DUSP22: variants seen among roughly 807,000 people sequenced by gnomAD.
DUSP22 encodes the protein dual specificity phosphatase 22.
A neutral mutation model predicts 24.5 loss-of-function variants in DUSP22; 24 were observed. That is an observed-to-expected ratio of 0.98 (90% CI 0.71 to 1.38). The LOEUF (loss-of-function observed/expected upper bound fraction) is 1.38. Ranked by LOEUF, DUSP22 falls within the 40% of genes most tolerant of loss-of-function variation. The pLI is 0.00. For missense variants in DUSP22, 330 were observed against 269.2 expected, an observed-to-expected ratio of 1.23 and a Z score of -1.58; for synonymous variants, 160 against 106.4, an observed-to-expected ratio of 1.50 and a Z score of -3.10.
Position 350,701 on chromosome 6 carries a change from A to G in DUSP22, c.*1750A>G. On this transcript the variant is annotated 3_prime_UTR_variant, in exon 7 of 7. Coordinates refer to ENST00000419235, the MANE Select transcript of DUSP22 (RefSeq NM_001286555.3). ...CAAAAATAAATACGTTAACAGAAAA[A>G]TGATTTAGGATATAGCTTGAATGCT... 1.3e-6 allele frequency: 2 copies of G among 1,585,242 alleles called. No individual in the cohort carries two copies. Among genetic ancestry groups the G allele is most frequent in the Non-Finnish European group, 1.7e-6 (2 of 1,167,248 alleles).
chr6:330,132 A>G (rs1161561032), intron 3 of DUSP22, among the ~76,000 whole-genome samples: 18 of 152,078 alleles, frequency 1.2e-4, no homozygotes, highest in Non-Finnish European at 2.5e-4. Context: ...CTGGAGGAGG[A>G]CCCCCCTGGG....
rs889928871 is a variant in DUSP22, at chr6:350,683, A to T, written c.*1732A>T. The T allele has an allele frequency of 1.0e-5, 16 of 1,563,714 alleles. No individual in the cohort carries two copies. The highest frequency in any genetic ancestry group is 5.5e-5 in the African/African-American group (4 of 73,058). ...TACATGTTTTTCCTAAGCCAAAAATAAATACGTTAACAGAAAAATGATTTA... is the reference window on the plus strand; with the variant it reads ...TACATGTTTTTCCTAAGCCAAAAATTAATACGTTAACAGAAAAATGATTTA... On this transcript the variant is annotated 3_prime_UTR_variant, in exon 7 of 7. Coordinates refer to ENST00000419235, the MANE Select transcript of DUSP22 (RefSeq NM_001286555.3).
At chr6:299,973 GTTGAC>G (rs1266715397) in intron 1 of DUSP22, among the ~76,000 whole-genome samples, 1 of 152,308 alleles carries the variant, frequency 6.6e-6, no homozygotes, top group African/African-American at 2.4e-5. Context: ...TTGGAGAAAT[GTTGAC>G]TTGAGTACCT....
chr6:341,275 C>T (rs546871302), intron 4 of DUSP22, among the ~76,000 whole-genome samples: 19 of 152,416 alleles, frequency 1.2e-4, no homozygotes, highest in Non-Finnish European at 1.6e-4. Flanking sequence ...AGGTGAACTG[C>T]CGATGAAACG....
At chr6:337,580 T>G (rs1467916785) in intron 4 of DUSP22, among the ~76,000 whole-genome samples, 1 of 152,300 alleles carries the variant, frequency 6.6e-6, no homozygotes, top group African/African-American at 2.4e-5. Flanking sequence ...AAAACCAGCC[T>G]AATTCCAGTC....
chr6:295,319 C>T (rs967291692), intron 1 of DUSP22, among the ~76,000 whole-genome samples: 12 of 152,286 alleles, frequency 7.9e-5, no homozygotes, highest in Non-Finnish European at 1.6e-4. Context: ...TTTGGGACAG[C>T]AGTTTTTATC....
intron 3 of DUSP22, among the ~76,000 whole-genome samples, chr6:318,806 T>C (rs1444857315): frequency 6.6e-6 from 1 of 152,310 alleles, no homozygotes. Context: ...CCAACCCACA[T>C]ATTCAGCAGA....
chr6:345,705 C>A, intron 4 of DUSP22, 149 bp from the exon 5 acceptor site: 1 of 914,978 alleles, frequency 1.1e-6, no homozygotes. Flanking sequence ...TGAAGTGTCA[C>A]ACTGTAGCCC....
chr6:347,688 T>C lies in DUSP22; in HGVS notation c.264-415T>C, dbSNP rs542015855. On this transcript the variant is annotated intron_variant, in intron 5 of 6. Transcript: ENST00000419235. ...CTCATATAGCTGAGAAAACTCGACT[T>C]TTAAGGAACATGAAGCATTCTAAAC... Among the ~76,000 whole-genome samples, 4 of 152,422 alleles carry C rather than the reference T, an allele frequency of 2.6e-5. No individual in the cohort carries two copies. The East Asian group carries it at 7.7e-4, about 29-fold the overall frequency.
intron 3 of DUSP22, among the ~76,000 whole-genome samples, chr6:326,515 G>A (rs1225928333): frequency 9.1e-6 from 1 of 109,996 alleles, no homozygotes; most frequent in Non-Finnish European, 2.1e-5. Context: ...CATCTGCCCT[G>A]GGCTTCCGCG....
chr6:294,486 T>G (rs1190879997), intron 1 of DUSP22, among the ~76,000 whole-genome samples: 5 of 152,296 alleles, frequency 3.3e-5, no homozygotes, highest in African/African-American at 7.2e-5. Context: ...GGTAGCCACA[T>G]TAAAAAATAA....
In DUSP22 at chr6:350,200, G is replaced by T. The variant is rs1447956782; in HGVS notation, c.*1249G>T. The T allele has an allele frequency of 2.0e-6, 2 of 986,764 alleles. No homozygotes were observed. The highest frequency in any genetic ancestry group is 1.1e-4 in the East Asian group (1 of 8,850). 61.1% of individuals were successfully genotyped at this position (986,764 alleles called of 1,614,324 possible). On this transcript the variant is annotated 3_prime_UTR_variant, in exon 7 of 7. Transcript: ENST00000419235. ...TTTTGAAACCAAAGGGGAAGGTACC[G>T]ATATCATTGAGCTATTTAAAGTTGC...
intron 1 of DUSP22, among the ~76,000 whole-genome samples, chr6:302,446 T>TCCCCTCCCTGTCTGC (rs1356483248): frequency 6.6e-6 from 1 of 152,302 alleles, no homozygotes; most frequent in Non-Finnish European, 1.5e-5. Flanking sequence ...CGTTCTGCTG[T>TCCCCTCCCTGTCTGC]CCCCTCCCTG....
intron 3 of DUSP22, among the ~76,000 whole-genome samples, chr6:333,274 C>G (rs186623208): frequency 6.6e-6 from 1 of 152,412 alleles, no homozygotes; most frequent in East Asian, 1.9e-4. Flanking sequence ...CCAGCAGATT[C>G]TAAATTAACC....
At chr6:340,256 G>A (rs1024985101) in intron 4 of DUSP22, among the ~76,000 whole-genome samples, 13 of 152,418 alleles carry the variant, frequency 8.5e-5, no homozygotes, top group Admixed American at 3.3e-4. Flanking sequence ...ATACAAACGT[G>A]GGCTGGTTTT....
chr6:297,861 T>G lies in DUSP22; in HGVS notation c.21+5301T>G, dbSNP rs367891143. Among the ~76,000 whole-genome samples the G allele has an allele frequency of 8.2e-3, 1,251 of 151,928 alleles. 1 individual carries two copies. Among genetic ancestry groups the G allele is most frequent in the African/African-American group, 0.029 (1,189 of 41,134 alleles). ...TTTTTTCCACCTGGCAGCAGGTGAC[T>G]TGGCTGCCTGCGTAATCCAGTCATC... On this transcript the variant is annotated intron_variant, in intron 1 of 6. Transcript: ENST00000419235.
intron 5 of DUSP22, among the ~76,000 whole-genome samples, chr6:347,652 T>C (rs973281451): frequency 3.3e-5 from 5 of 152,310 alleles, no homozygotes; most frequent in African/African-American, 4.8e-5. Flanking sequence ...TTAAAAATTA[T>C]AGATCTAGCC....
At chr6:325,730 T>C (rs1237758084) in intron 3 of DUSP22, 1 of 261,994 alleles carries the variant, frequency 3.8e-6, no homozygotes, top group Non-Finnish European at 7.2e-6. Flanking sequence ...GTGTGTGCAG[T>C]GCTGTACCTG....
At chr6:317,325 G>A (rs1359000750) in intron 3 of DUSP22, among the ~76,000 whole-genome samples, 1 of 152,302 alleles carries the variant, frequency 6.6e-6, no homozygotes. Flanking sequence ...TCCTCTTGCT[G>A]ATCCACCCCA....
Sources: gnomAD v4.1 joint callset for allele counts (sites outside exome capture counted in the v4.1 genomes callset) on GRCh38, gnomAD v4.1.1 for gene constraint, MANE v1.5 for transcripts, NCBI Gene and HGNC (gene_info 2026-07-23, HGNC 2026-07-21) for gene names.